Variants in FBXL7 observed in about 807,000 individuals in gnomAD.
FBXL7 encodes F-box/LRR-repeat protein 7.
In FBXL7, 12 loss-of-function variants were observed where a neutral mutation model predicts 38.3. The ratio of observed to expected loss-of-function variants is 0.31; its 90% CI spans 0.20 to 0.51. FBXL7 has a LOEUF of 0.51. Ranked by LOEUF, FBXL7 falls within the 20% of genes least tolerant of loss-of-function variation. FBXL7 has a pLI of 0.98. For missense variants in FBXL7, 567 were observed against 676.4 expected (o/e 0.84, Z 1.79); for synonymous variants, 297 against 300.9 (o/e 0.99, Z 0.13).
intron 2 of FBXL7, among the ~76,000 whole-genome samples, chr5:15,741,967 A>G (rs748572982): frequency 3.8e-4 from 58 of 152,136 alleles, no homozygotes; most frequent in African/African-American, 4.1e-4. Flanking sequence ...ATCAGAGGTA[A>G]TGGTTTTACT....
intron 2 of FBXL7, among the ~76,000 whole-genome samples, chr5:15,635,913 CTTT>C (rs35279060): frequency 3.2e-4 from 45 of 142,506 alleles, no homozygotes; most frequent in East Asian, 1.4e-3. Context: ...CATTTTTAGC[CTTT>C]TTTTTTTTTT....
chr5:15,915,647 T>A (rs1402596268), intron 2 of FBXL7, among the ~76,000 whole-genome samples: 1 of 152,206 alleles, frequency 6.6e-6, no homozygotes, highest in African/African-American at 2.4e-5. Context: ...GACTTCATCA[T>A]ATCTTTTGCA....
At chr5:15,847,141 C>T (rs1400349769) in intron 2 of FBXL7, among the ~76,000 whole-genome samples, 1 of 152,050 alleles carries the variant, frequency 6.6e-6, no homozygotes, top group Non-Finnish European at 1.5e-5. Context: ...CAGATGGTCC[C>T]TGAATTAATC....
intron 2 of FBXL7, among the ~76,000 whole-genome samples, chr5:15,677,490 G>A (rs1561081427): frequency 6.6e-6 from 1 of 151,164 alleles, no homozygotes; most frequent in Non-Finnish European, 1.5e-5. Flanking sequence ...GAGAGAGAGA[G>A]AAAGAAAGGA....
At chr5:15,644,407 A>C (rs1218348730) in intron 2 of FBXL7, among the ~76,000 whole-genome samples, 1 of 151,556 alleles carries the variant, frequency 6.6e-6, no homozygotes, top group Non-Finnish European at 1.5e-5. Context: ...CCCGGGAGGC[A>C]GAGGTTGCGG....
At chr5:15,821,415 C>T (rs1738166223) in intron 2 of FBXL7, among the ~76,000 whole-genome samples, 1 of 152,140 alleles carries the variant, frequency 6.6e-6, no homozygotes, top group Non-Finnish European at 1.5e-5. Flanking sequence ...CTCTCAAAAA[C>T]CCGTCGCACA....
At chr5:15,680,720 T>C (rs141914218) in intron 2 of FBXL7, among the ~76,000 whole-genome samples, 1 of 152,338 alleles carries the variant, frequency 6.6e-6, no homozygotes, top group East Asian at 1.9e-4. Context: ...TCCAAATGTG[T>C]GAATTTCTGA....
At chr5:15,860,999 G>T (rs191327199) in intron 2 of FBXL7, among the ~76,000 whole-genome samples, 1 of 152,152 alleles carries the variant, frequency 6.6e-6, no homozygotes, top group Non-Finnish European at 1.5e-5. Context: ...TGCTACCCTA[G>T]AATGTGCTTC....
At chr5:15,789,045 T>A (rs1375744951) in intron 2 of FBXL7, among the ~76,000 whole-genome samples, 1 of 151,904 alleles carries the variant, frequency 6.6e-6, no homozygotes, top group African/African-American at 2.4e-5. Flanking sequence ...AGAGGCGGGA[T>A]TTCACGGTGT....
chr5:15,897,077 G>T (rs112917836), intron 2 of FBXL7, among the ~76,000 whole-genome samples: 129 of 152,320 alleles, frequency 8.5e-4, no homozygotes, highest in Middle Eastern at 3.4e-3. Flanking sequence ...AGGTTGCAGT[G>T]AACTGAGATT....
intron 2 of FBXL7, among the ~76,000 whole-genome samples, chr5:15,839,954 T>A (rs1461548294): frequency 1.3e-5 from 2 of 152,258 alleles, no homozygotes; most frequent in Admixed American, 1.3e-4. Context: ...TACATTTAGT[T>A]ACAACTTTTA....
At position 15,937,812 on chromosome 5, in the gene FBXL7, G is replaced by A. The variant is rs1325598889; in HGVS notation, c.*626G>A. ...CTCCCCCAGCTCTGTCAATGACTATGACCTTGGCCAAAGCACTTCACTGCT... is the reference window on the plus strand; with the variant it reads ...CTCCCCCAGCTCTGTCAATGACTATAACCTTGGCCAAAGCACTTCACTGCT... On this transcript the variant is annotated 3_prime_UTR_variant, in exon 4 of 4. Coordinates refer to ENST00000504595, the MANE Select transcript of FBXL7 (RefSeq NM_012304.5). 6.6e-6 allele frequency: 1 copy of A among 152,464 alleles called. No homozygotes were observed. The highest frequency in any genetic ancestry group is 1.9e-4 in the East Asian group (1 of 5,180). 9.4% of individuals were successfully genotyped at this position (152,464 alleles called of 1,614,324 possible).
chr5:15,758,112 C>T (rs978836092), intron 2 of FBXL7, among the ~76,000 whole-genome samples: 1 of 151,926 alleles, frequency 6.6e-6, no homozygotes, highest in Admixed American at 6.6e-5. Context: ...CCAGGGTGTC[C>T]CATTTTTCCA....
intron 2 of FBXL7, among the ~76,000 whole-genome samples, chr5:15,816,959 C>T (rs79715024): frequency 0.038 from 5,785 of 152,228 alleles, 125 homozygotes; most frequent in Non-Finnish European, 0.054. Context: ...CACACCTCTC[C>T]GAATTTCTGT....
At chr5:15,579,618 A>G (rs1182675384) in intron 1 of FBXL7, among the ~76,000 whole-genome samples, 2 of 152,224 alleles carry the variant, frequency 1.3e-5, no homozygotes, top group African/African-American at 4.8e-5. Context: ...CATTCCAGAC[A>G]ACCTTAAAAG....
intron 2 of FBXL7, among the ~76,000 whole-genome samples, chr5:15,640,680 C>T (rs13176349): frequency 0.19 from 28,949 of 151,908 alleles, 2,857 homozygotes; most frequent in Admixed American, 0.21. Flanking sequence ...CGTGCCACCA[C>T]ACCCGGCTAA....
chr5:15,898,534 C>G (rs1206448254), intron 2 of FBXL7, among the ~76,000 whole-genome samples: 1 of 152,214 alleles, frequency 6.6e-6, no homozygotes, highest in Non-Finnish European at 1.5e-5. Context: ...GTCTTGAGCA[C>G]TCATCATTCT....
intron 1 of FBXL7, among the ~76,000 whole-genome samples, chr5:15,556,275 G>A (rs1738237368): frequency 6.6e-6 from 1 of 152,058 alleles, no homozygotes; most frequent in Non-Finnish European, 1.5e-5. Context: ...TCCTAATGGT[G>A]TAACTCCCAG....
At chr5:15,772,819 C>CT (rs1025116052) in intron 2 of FBXL7, among the ~76,000 whole-genome samples, 5 of 152,104 alleles carry the variant, frequency 3.3e-5, no homozygotes, top group Non-Finnish European at 7.4e-5. Context: ...CTACCTATAG[C>CT]TTGACATACA....
Sources: allele counts gnomAD v4.1 joint callset (sites outside exome capture counted in the v4.1 genomes callset), GRCh38; gene constraint gnomAD v4.1.1; transcripts MANE v1.5; gene names NCBI Gene and HGNC (gene_info 2026-07-23, HGNC 2026-07-21).